The following POLD1 variants were observed in gnomAD, a reference collection of about 807,000 sequenced individuals.
POLD1 encodes DNA polymerase delta catalytic subunit.
A neutral mutation model predicts 129.7 loss-of-function variants in POLD1; 79 were observed. That is an observed-to-expected ratio of 0.61 (90% CI 0.51 to 0.73). The LOEUF is 0.73. POLD1 is among the 30% of genes least tolerant of loss of function. The probability of loss-of-function intolerance (pLI) is 0.00; values close to 1 mark genes in which losing one functional copy is unlikely to be tolerated. For synonymous variants in POLD1, 714 were observed against 683.3 expected (o/e 1.04, Z -0.70); for missense variants, 1,338 against 1,595.8 (o/e 0.84, Z 2.75).
Position 50,414,179 on chromosome 19 carries a change from G to A in POLD1, c.2388+300G>A, listed in dbSNP as rs3219426. Reference sequence around the variant, plus strand: ...GCCCTCCACGCAGGGACCCTGATGGGGGTGCACCTTAGATCTGTGCACCAT... The same window carrying A: ...GCCCTCCACGCAGGGACCCTGATGGAGGTGCACCTTAGATCTGTGCACCAT... On this transcript the variant is annotated intron_variant, in intron 19 of 26. Coordinates refer to ENST00000440232, the MANE Select transcript of POLD1 (RefSeq NM_002691.4). Among the ~76,000 whole-genome samples the A allele has an allele frequency of 6.0e-3, 913 of 152,338 alleles. 3 individuals are homozygous for A. The highest frequency in any genetic ancestry group is 0.02 in the Middle Eastern group (6 of 294).
chr19:50,386,454 A>G (rs1166713187), intron 1 of POLD1, among the ~76,000 whole-genome samples: 2 of 152,204 alleles, frequency 1.3e-5, no homozygotes, highest in Non-Finnish European at 2.9e-5. Context: ...CATGTCTTGA[A>G]GTAACCGGAC....
chr19:50,409,080 C>A lies in POLD1; in HGVS notation c.1893-42C>A. The A allele has an allele frequency of 6.9e-7, 1 of 1,457,782 alleles. No homozygotes were observed. The highest frequency in any genetic ancestry group is 9.6e-7 in the Non-Finnish European group (1 of 1,039,370). 90.3% of individuals were successfully genotyped at this position (1,457,782 alleles called of 1,614,324 possible). On this transcript the variant is annotated intron_variant, in intron 15 of 26. Transcript: ENST00000440232. The surrounding 1 kb of genome is among the most constrained non-coding windows in gnomAD (Gnocchi z 5.8). Reference sequence around the variant, plus strand: ...ACCGTAGGGCAGAGGTGGGCTGGAGCAGGAGGGTGGCCGGCAGTCACCCCA... The same window carrying A: ...ACCGTAGGGCAGAGGTGGGCTGGAGAAGGAGGGTGGCCGGCAGTCACCCCA...
chr19:50,391,298 C>T (rs988480219), intron 1 of POLD1, among the ~76,000 whole-genome samples: 6 of 151,958 alleles, frequency 3.9e-5, no homozygotes, highest in African/African-American at 1.5e-4. Flanking sequence ...GACGGGGTGG[C>T]GGCCGGGCAG....
chr19:50,386,306 T>C (rs759311121), intron 1 of POLD1, among the ~76,000 whole-genome samples: 3 of 151,710 alleles, frequency 2.0e-5, no homozygotes. Flanking sequence ...CCCAGCTAAT[T>C]TTTGTATTTT....
Position 50,416,266 on chromosome 19 carries a change from G to A in POLD1, c.2821-130G>A. 4 of 944,428 alleles carry A rather than the reference G, an allele frequency of 4.2e-6. No homozygotes were observed. In the South Asian group the frequency reaches 6.4e-5, roughly 15 times the overall value. The allele number at this position is 944,428 out of a possible 1,614,324, so 58.5% of individuals were successfully genotyped here. ...CTCCGTGACCTCCGACCCCATCCCA[G>A]ACCCAGGCCCCCCCCATGTCACAGC... On this transcript the variant is annotated intron_variant, in intron 22 of 26. Coordinates refer to ENST00000440232, the MANE Select transcript of POLD1 (RefSeq NM_002691.4).
intron 1 of POLD1, among the ~76,000 whole-genome samples, chr19:50,390,043 G>A (rs1301486150): frequency 6.6e-6 from 1 of 151,552 alleles, no homozygotes; most frequent in Non-Finnish European, 1.5e-5. Flanking sequence ...CGAGTAGCTA[G>A]GATTACAGGC....
rs545806414 is a variant in POLD1 at position 50,404,148 on chromosome 19, G to A, written c.1242+551G>A. On this transcript the variant is annotated intron_variant, in intron 10 of 26. Coordinates refer to ENST00000440232, the MANE Select transcript of POLD1 (RefSeq NM_002691.4). ...TGTCAGCGGGCCTGCTTCCTTCGGGGGCTGCAAGGGAGGACTGGTTCACGG... is the reference window on the plus strand; with the variant it reads ...TGTCAGCGGGCCTGCTTCCTTCGGGAGCTGCAAGGGAGGACTGGTTCACGG... 3.3e-5 allele frequency among the ~76,000 whole-genome samples: 5 copies of A among 152,292 alleles called. No homozygotes were observed. The South Asian group carries it at 8.3e-4, about 25-fold the overall frequency.
At chr19:50,412,189 G>C (rs1344899773) in intron 17 of POLD1, among the ~76,000 whole-genome samples, 1 of 152,142 alleles carries the variant, frequency 6.6e-6, no homozygotes, top group Admixed American at 6.5e-5. Flanking sequence ...GTCTTGCTCT[G>C]TCACCCAGGC....
chr19:50,395,698 C>T lies in POLD1; in HGVS notation c.-1-3153C>T, dbSNP rs78502003. ...TGGATGTTTCTTATCTCCCTTCTCT[C>T]TGTATACGTACACTCACTTTTTACA... On this transcript the variant is annotated intron_variant, in intron 1 of 26. Coordinates refer to ENST00000440232, the MANE Select transcript of POLD1 (RefSeq NM_002691.4). 4.9e-4 allele frequency among the ~76,000 whole-genome samples: 74 copies of T among 152,188 alleles called. No individual in the cohort carries two copies. The East Asian group carries it at 0.012, about 25-fold the overall frequency.
intron 1 of POLD1, among the ~76,000 whole-genome samples, chr19:50,395,440 C>T (rs1030025011): frequency 6.6e-6 from 1 of 151,988 alleles, no homozygotes; most frequent in Non-Finnish European, 1.5e-5. Flanking sequence ...AAAAATTAGG[C>T]GGGCGCAGTG....
intron 1 of POLD1, among the ~76,000 whole-genome samples, chr19:50,392,810 C>T (rs2038218470): frequency 6.6e-6 from 1 of 152,190 alleles, no homozygotes; most frequent in South Asian, 2.1e-4. Context: ...TCAGGGTAAA[C>T]GTTTTCTTAG....
chr19:50,403,426 A>G, intron 9 of POLD1, 67 bp from the exon 10 acceptor site: 1 of 1,316,408 alleles, frequency 7.6e-7, no homozygotes, highest in South Asian at 1.2e-5. Flanking sequence ...GTTCTAGAAC[A>G]TTCTGGAAGT....
intron 1 of POLD1, among the ~76,000 whole-genome samples, chr19:50,389,455 G>A (rs1049805267): frequency 1.3e-5 from 2 of 151,966 alleles, no homozygotes; most frequent in Non-Finnish European, 2.9e-5. Context: ...AGGGATGTCC[G>A]CCTGCAGAAC....
chr19:50,414,996 T>C lies in POLD1; in HGVS notation c.2564+6T>C, dbSNP rs563465443. 1.9e-6 allele frequency: 3 copies of C among 1,558,312 alleles called. No individual in the cohort carries two copies. The highest frequency in any genetic ancestry group is 1.9e-5 in the Admixed American group (1 of 53,164). ...CGCCGCCTGCTCATCGACCGGTGTG[T>C]GGGGCCTCCTCCCTCAGACTCAGGG... On this transcript the variant is annotated splice_donor_region_variant and intron_variant, in intron 20 of 26. Transcript: ENST00000440232.
In POLD1 at chr19:50,402,511, A is replaced by G; in HGVS notation, c.816A>G (p.Lys272=). The G allele has an allele frequency of 6.2e-7, 1 of 1,608,200 alleles. No homozygotes were observed. The highest frequency in any genetic ancestry group is 8.5e-7 in the Non-Finnish European group (1 of 1,177,658). ...GCNWLELPAG[K]YALRLKEKAT... is the part of the protein sequence containing the mutation. Reference sequence around the variant, plus strand: ...ACTGGCTGGAGCTCCCAGCTGGGAAATACGCCCTGAGGCTGAAGGAGAAGG... The same window carrying G: ...ACTGGCTGGAGCTCCCAGCTGGGAAGTACGCCCTGAGGCTGAAGGAGAAGG... Residue 272 remains lysine (K), a synonymous_variant, in exon 7 of 27, where the codon AAA becomes AAG. Transcript: ENST00000440232.
In POLD1 at chr19:50,406,620, T is replaced by A. The variant is rs1318967977; in HGVS notation, c.1494+103T>A. The A allele has an allele frequency of 3.6e-6, 3 of 838,092 alleles. No homozygotes were observed. Among genetic ancestry groups the A allele is most frequent in the Admixed American group, 2.0e-5 (1 of 48,918 alleles). 51.9% of individuals were successfully genotyped at this position (838,092 alleles called of 1,614,324 possible). On this transcript the variant is annotated intron_variant, in intron 12 of 26. Transcript: ENST00000440232. This position sits in a 1 kb window ranked among gnomAD's most constrained non-coding sequence, Gnocchi z 5.5. ...CACGCCCCCACGTCTGACCTCACTC[T>A]TTGACCTGCTGTTATGACCTGTGAC...
chr19:50,388,834 T>TC, intron 1 of POLD1, among the ~76,000 whole-genome samples: 1 of 134,150 alleles, frequency 7.5e-6, no homozygotes, highest in South Asian at 2.5e-4. Context: ...TCTTTTTTTT[T>TC]TTTTTTTTTT....
chr19:50,391,533 C>G (rs2038170287), intron 1 of POLD1, among the ~76,000 whole-genome samples: 1 of 150,648 alleles, frequency 6.6e-6, no homozygotes, highest in Non-Finnish European at 1.5e-5. Flanking sequence ...CCGTCTCCAC[C>G]AAAAAATACA....
In POLD1 at chr19:50,407,553, A is replaced by T. The variant is rs1601221848; in HGVS notation, c.1775+138A>T. 9.8e-6 allele frequency: 4 copies of T among 409,094 alleles called. No homozygotes were observed. In the East Asian group the frequency reaches 1.5e-4, roughly 15 times the overall value. The allele number at this position is 409,094 out of a possible 1,614,324, so 25.3% of individuals were successfully genotyped here. A position where few individuals can be genotyped will look rare whatever the true frequency, so the allele number is the denominator to read the frequency against. On this transcript the variant is annotated intron_variant, in intron 14 of 26. Coordinates refer to ENST00000440232, the MANE Select transcript of POLD1 (RefSeq NM_002691.4). ...TGCTCCACAAAATTTTTTTATTTTT[A>T]TTTATTTTTATTTTTATTTTTTTGA...
Sources: gnomAD v4.1 joint callset for allele counts (sites outside exome capture counted in the v4.1 genomes callset) on GRCh38, gnomAD v4.1.1 for gene constraint, Gnocchi (gnomAD v3.1) non-coding constraint, MANE v1.5 for transcripts, NCBI Gene and HGNC (gene_info 2026-07-23, HGNC 2026-07-21) for gene names.